VWA5B1: variants seen among roughly 807,000 people sequenced by gnomAD.
The protein encoded by VWA5B1 is von Willebrand factor A domain containing 5B1, also known as von Willebrand factor A domain-containing protein 5B1.
Under a neutral mutation model 118.2 loss-of-function variants are expected in VWA5B1, and 115 were observed. The ratio of observed to expected loss-of-function variants is 0.97; its 90% CI spans 0.84 to 1.14. The LOEUF is 1.14. VWA5B1 is among the 50% of genes most tolerant of loss of function. The pLI is 0.00. For synonymous variants in VWA5B1, 682 were observed against 658.4 expected (o/e 1.04, Z -0.55); for missense variants, 1,596 against 1,603.8 (o/e 1.00, Z 0.08).
rs1372214673 is a variant in VWA5B1, at chr1:20,356,823, G to A, written c.*2560G>A. Reference sequence around the variant, plus strand: ...GAGCTATGGGGGCAGGTCTGGACAAGAGACATTTTTAAAGAACTTCAGTGG... The same window carrying A: ...GAGCTATGGGGGCAGGTCTGGACAAAAGACATTTTTAAAGAACTTCAGTGG... On this transcript the variant is annotated 3_prime_UTR_variant, in exon 22 of 22. Transcript: ENST00000289815. 6.6e-6 allele frequency among the ~76,000 whole-genome samples: 1 copy of A among 152,204 alleles called. No homozygotes were observed. The highest frequency in any genetic ancestry group is 6.5e-5 in the Admixed American group (1 of 15,284).
chr1:20,343,505 G>T, intron 16 of VWA5B1, 112 bp downstream of exon 16: 1 of 1,409,994 alleles, frequency 7.1e-7, no homozygotes, highest in Non-Finnish European at 9.2e-7. Context: ...AGCCCCGCGT[G>T]GTCCGCCCAC....
chr1:20,302,106 G>A (rs147778066), intron 1 of VWA5B1, among the ~76,000 whole-genome samples: 158 of 152,176 alleles, frequency 1.0e-3, no homozygotes, highest in Non-Finnish European at 1.7e-3. Flanking sequence ...AGACACCGTG[G>A]TGGCTTGGCC....
chr1:20,317,521 C>T lies in VWA5B1; in HGVS notation c.564-9C>T, dbSNP rs1483798255. ...CTGGTCTCCTTTCCTTCCCCCGGCC[C>T]TTTTCCAGCAAAGACAGGCACTGCT... On this transcript the variant is annotated splice_polypyrimidine_tract_variant and intron_variant, in intron 4 of 21. Coordinates refer to ENST00000289815, the MANE Select transcript of VWA5B1 (RefSeq NM_001039500.3). 14 of 1,551,122 alleles carry T rather than the reference C, an allele frequency of 9.0e-6. No homozygotes were observed. The highest frequency in any genetic ancestry group is 2.0e-5 in the Admixed American group (1 of 50,896).
intron 1 of VWA5B1, among the ~76,000 whole-genome samples, chr1:20,309,298 C>A (rs111460550): frequency 1.3e-5 from 2 of 152,156 alleles, no homozygotes; most frequent in Admixed American, 6.5e-5. Context: ...AGAAACAGAA[C>A]GCAGCACAAC....
In VWA5B1 at chr1:20,319,642, G is replaced by A. The variant is rs2089144596; in HGVS notation, c.966+136G>A. Reference sequence around the variant, plus strand: ...CAAGCTGGAGGCAGACACCAGGCAAGAAGTGTTTCCTTCTGTGGGCCCCCG... The same window carrying A: ...CAAGCTGGAGGCAGACACCAGGCAAAAAGTGTTTCCTTCTGTGGGCCCCCG... On this transcript the variant is annotated intron_variant, in intron 7 of 21. Coordinates refer to ENST00000289815, the MANE Select transcript of VWA5B1 (RefSeq NM_001039500.3). 6.7e-6 allele frequency: 9 copies of A among 1,343,034 alleles called. No homozygotes were observed. The East Asian group carries it at 2.0e-4, about 30-fold the overall frequency. The allele number at this position is 1,343,034 out of a possible 1,614,324, so 83.2% of individuals were successfully genotyped here.
chr1:20,343,755 C>A (rs1376459520), intron 16 of VWA5B1, among the ~76,000 whole-genome samples: 2 of 68,002 alleles, frequency 2.9e-5, no homozygotes, highest in Admixed American at 1.4e-4. Flanking sequence ...ACCCAGCCCC[C>A]ACCCTGTGCC....
Position 20,345,681 on chromosome 1 carries a change from G to A in VWA5B1, c.2764+88G>A, listed in dbSNP as rs1431237941. 5 of 1,444,940 alleles carry A rather than the reference G, an allele frequency of 3.5e-6. No individual in the cohort carries two copies. In the African/African-American group the frequency reaches 7.2e-5, roughly 21 times the overall value. 89.5% of individuals were successfully genotyped at this position (1,444,940 alleles called of 1,614,324 possible). On this transcript the variant is annotated intron_variant, in intron 17 of 21. Transcript: ENST00000289815. ...GGGGGCTGAGATACAAAGGACCACA[G>A]ACCAGCAGGGAGCGGGGTGAGACAG...
chr1:20,337,574 G>A (rs975605624), intron 13 of VWA5B1, 72 bp from the exon 14 acceptor site: 13 of 1,458,900 alleles, frequency 8.9e-6, no homozygotes, highest in Middle Eastern at 3.6e-4. Context: ...TTCCAAACAG[G>A]AAAGGGGATG....
chr1:20,311,061 C>T (rs1570086176), intron 2 of VWA5B1, among the ~76,000 whole-genome samples: 1 of 152,320 alleles, frequency 6.6e-6, no homozygotes, highest in East Asian at 1.9e-4. Flanking sequence ...CAGCCTCCAC[C>T]TCCCGGGCTC....
intron 11 of VWA5B1, among the ~76,000 whole-genome samples, chr1:20,332,156 C>A (rs1076623): frequency 0.25 from 38,005 of 152,040 alleles, 5,262 homozygotes; most frequent in East Asian, 0.39. Flanking sequence ...CACAGCCCTA[C>A]TTTGAGCCTC....
chr1:20,301,512 T>C (rs1486894328), intron 1 of VWA5B1, among the ~76,000 whole-genome samples: 1 of 152,208 alleles, frequency 6.6e-6, no homozygotes, highest in Non-Finnish European at 1.5e-5. Context: ...CCTGTCATTT[T>C]ACCACTTCAA....
chr1:20,299,506 C>A (rs1301778407), intron 1 of VWA5B1, among the ~76,000 whole-genome samples: 3 of 152,198 alleles, frequency 2.0e-5, no homozygotes, highest in African/African-American at 4.8e-5. Flanking sequence ...CAGGTTCAAG[C>A]GATTCTCGTG....
intron 14 of VWA5B1, among the ~76,000 whole-genome samples, chr1:20,340,794 T>TG (rs2089856131): frequency 6.6e-6 from 1 of 152,254 alleles, no homozygotes; most frequent in Non-Finnish European, 1.5e-5. Context: ...CAGACCCACT[T>TG]GGTTTTGAGT....
chr1:20,334,429 G>A (rs1237647009), intron 12 of VWA5B1, among the ~76,000 whole-genome samples: 2 of 152,168 alleles, frequency 1.3e-5, no homozygotes, highest in Non-Finnish European at 2.9e-5. Context: ...CCCTGCTACT[G>A]GTAGGGATAA....
intron 1 of VWA5B1, among the ~76,000 whole-genome samples, chr1:20,305,255 A>G (rs2088614968): frequency 1.3e-5 from 2 of 152,270 alleles, no homozygotes; most frequent in Non-Finnish European, 2.9e-5. Context: ...TGGTATGTGA[A>G]GTTCAAGGCA....
At chr1:20,303,001 A>T (rs559991941) in intron 1 of VWA5B1, 1 of 152,284 alleles carries the variant, frequency 6.6e-6, no homozygotes, top group South Asian at 2.1e-4. Context: ...TAGAGGAAAG[A>T]GACCAGAATA....
At chr1:20,302,854 G>T (rs1019959590) in intron 1 of VWA5B1, among the ~76,000 whole-genome samples, 1 of 152,182 alleles carries the variant, frequency 6.6e-6, no homozygotes, top group African/African-American at 2.4e-5. Flanking sequence ...GATAGCGGTA[G>T]CAGAAGTCAG....
chr1:20,307,487 ACT>A (rs1447336571), intron 1 of VWA5B1, among the ~76,000 whole-genome samples: 3 of 152,264 alleles, frequency 2.0e-5, no homozygotes, highest in African/African-American at 7.2e-5. Flanking sequence ...TTGAGGCCTC[ACT>A]GTCCTCATCT....
chr1:20,343,532 A>AC (rs1570210454), intron 16 of VWA5B1, 139 bp downstream of exon 16: 2 of 1,319,574 alleles, frequency 1.5e-6, no homozygotes, highest in East Asian at 5.5e-5. Flanking sequence ...CCCGGGTCCT[A>AC]CCCCACCCCC....
Sources: allele counts gnomAD v4.1 joint callset (sites outside exome capture counted in the v4.1 genomes callset), GRCh38; gene constraint gnomAD v4.1.1; transcripts MANE v1.5; gene names NCBI Gene and HGNC (gene_info 2026-07-23, HGNC 2026-07-21).